DOCK3: variants seen among roughly 807,000 people sequenced by gnomAD.
DOCK3 encodes dedicator of cytokinesis 3, also known as dedicator of cytokinesis protein 3.
Under a neutral mutation model 265.6 loss-of-function variants are expected in DOCK3, and 60 were observed. The ratio of observed to expected loss-of-function variants is 0.23; its 90% CI spans 0.18 to 0.28. The LOEUF is 0.28. Ranked by LOEUF, DOCK3 falls within the 10% of genes least tolerant of loss-of-function variation. DOCK3 has a pLI of 1.00. For synonymous variants in DOCK3, 881 were observed against 938.0 expected, an observed-to-expected ratio of 0.94 and a Z score of 1.11; for missense variants, 1,981 against 2,594.3, an observed-to-expected ratio of 0.76 and a Z score of 5.14.
intron 51 of DOCK3, chr3:51,379,633 C>T: frequency 1.0e-6 from 1 of 985,346 alleles, no homozygotes; most frequent in Non-Finnish European, 1.2e-6. Flanking sequence ...TCAAGGGCCA[C>T]AGCAACAGCC....
At chr3:51,168,296 CA>C (rs1232864203) in intron 12 of DOCK3, among the ~76,000 whole-genome samples, 2 of 152,258 alleles carry the variant, frequency 1.3e-5, no homozygotes, top group East Asian at 3.9e-4. Context: ...CAATCCTAAG[CA>C]AAAAGAGCAA....
At chr3:50,853,408 T>A (rs2085582) in intron 3 of DOCK3, among the ~76,000 whole-genome samples, 15,075 of 152,114 alleles carry the variant, frequency 0.099, 923 homozygotes, top group Non-Finnish European at 0.13. Context: ...AAACCCATCA[T>A]CCAAATAATG....
intron 1 of DOCK3, among the ~76,000 whole-genome samples, chr3:50,730,853 G>A (rs182899252): frequency 6.8e-5 from 10 of 146,910 alleles, no homozygotes; most frequent in African/African-American, 1.0e-4. Flanking sequence ...CCTTTTGGCC[G>A]GGCGTGGTGG....
chr3:50,836,591 AT>A, intron 2 of DOCK3, among the ~76,000 whole-genome samples: 1 of 151,830 alleles, frequency 6.6e-6, no homozygotes, highest in East Asian at 1.9e-4. Context: ...CCAGGAAACC[AT>A]TTTTCCCTCC....
At chr3:51,039,853 G>A (rs907730713) in intron 5 of DOCK3, among the ~76,000 whole-genome samples, 3 of 144,532 alleles carry the variant, frequency 2.1e-5, no homozygotes, top group Admixed American at 6.9e-5. Context: ...TCACCCTCGG[G>A]TTTCTGCATT....
At chr3:51,330,319 G>C in intron 33 of DOCK3, 96 bp downstream of exon 33, 1 of 1,263,276 alleles carries the variant, frequency 7.9e-7, no homozygotes, top group Middle Eastern at 2.6e-4. Context: ...AGGCTTTAGA[G>C]GTTGGTCATC....
chr3:51,214,253 C>T lies in DOCK3; in HGVS notation c.1252+6C>T, dbSNP rs2089661253. On this transcript the variant is annotated splice_donor_region_variant and intron_variant, in intron 14 of 52. Transcript: ENST00000266037. ...TCCTGATGTCATTATGCCAGGTATG[C>T]AGAACTGCTTGGGGCTGGGAAGGAA... is the stretch of plus-strand genomic sequence containing the variant. The T allele has an allele frequency of 6.2e-7, 1 of 1,613,200 alleles. No individual in the cohort carries two copies. Among genetic ancestry groups the T allele is most frequent in the South Asian group, 1.1e-5 (1 of 90,962 alleles).
chr3:51,070,255 G>A (rs2081801526), intron 6 of DOCK3, among the ~76,000 whole-genome samples: 1 of 152,194 alleles, frequency 6.6e-6, no homozygotes, highest in Non-Finnish European at 1.5e-5. Flanking sequence ...TTTGATGTTT[G>A]ACACAGAATC....
At chr3:50,879,166 G>T (rs1205454002) in intron 3 of DOCK3, among the ~76,000 whole-genome samples, 1 of 152,216 alleles carries the variant, frequency 6.6e-6, no homozygotes, top group Non-Finnish European at 1.5e-5. Flanking sequence ...ACTAGCCACT[G>T]CAAAAACATG....
At chr3:51,130,681 G>A (rs1028652005) in intron 9 of DOCK3, among the ~76,000 whole-genome samples, 1 of 152,112 alleles carries the variant, frequency 6.6e-6, no homozygotes, top group South Asian at 2.1e-4. Flanking sequence ...ATCCCTCCAA[G>A]GATGCAATAT....
At chr3:50,782,601 G>A (rs1333792857) in intron 2 of DOCK3, among the ~76,000 whole-genome samples, 1 of 151,030 alleles carries the variant, frequency 6.6e-6, no homozygotes, top group African/African-American at 2.4e-5. Context: ...GTGTGTGTGT[G>A]TGTGTAGCTT....
At chr3:51,270,550 C>T (rs906296719) in intron 23 of DOCK3, among the ~76,000 whole-genome samples, 1 of 152,228 alleles carries the variant, frequency 6.6e-6, no homozygotes, top group Non-Finnish European at 1.5e-5. Context: ...CTTTATACCC[C>T]ATTCTCTTGC....
chr3:51,368,452 C>T (rs1560516921), intron 49 of DOCK3, among the ~76,000 whole-genome samples: 1 of 152,212 alleles, frequency 6.6e-6, no homozygotes, highest in South Asian at 2.1e-4. Context: ...GAGCCTCTCT[C>T]ACTGCTAGCA....
At chr3:51,186,370 G>A (rs1485612862) in intron 12 of DOCK3, among the ~76,000 whole-genome samples, 1 of 152,196 alleles carries the variant, frequency 6.6e-6, no homozygotes, top group Non-Finnish European at 1.5e-5. Flanking sequence ...AAGCATTCAA[G>A]ATGTGACTTG....
rs1232898990 is a variant in DOCK3 at position 51,361,238 on chromosome 3, G to A, written c.5006+606G>A. ...TTGGAGGAGGAGACTAGTGAGAGGA[G>A]CCCCTCACTTAGGCTTGTTTTCCAG... On this transcript the variant is annotated intron_variant, in intron 47 of 52. Transcript: ENST00000266037. The surrounding 1 kb of genome is among the most constrained non-coding windows in gnomAD (Gnocchi z 4.2). Among the ~76,000 whole-genome samples the A allele has an allele frequency of 6.6e-6, 1 of 152,248 alleles. No homozygotes were observed. The highest frequency in any genetic ancestry group is 2.4e-5 in the African/African-American group (1 of 41,470).
At chr3:51,188,462 C>T (rs929128895) in intron 12 of DOCK3, among the ~76,000 whole-genome samples, 2 of 152,096 alleles carry the variant, frequency 1.3e-5, no homozygotes, top group African/African-American at 4.8e-5. Context: ...TTTAGGGTGT[C>T]CACCACGCAA....
intron 49 of DOCK3, among the ~76,000 whole-genome samples, chr3:51,366,662 G>A (rs543741082): frequency 2.0e-5 from 3 of 152,320 alleles, no homozygotes; most frequent in African/African-American, 7.2e-5. Flanking sequence ...TGCTTTAAAT[G>A]TGTCCCAGAG....
intron 2 of DOCK3, among the ~76,000 whole-genome samples, chr3:50,829,420 A>G (rs1216896864): frequency 1.3e-5 from 2 of 152,124 alleles, no homozygotes; most frequent in South Asian, 2.1e-4. Context: ...GAACTGGGAA[A>G]TCTCAGGAGT....
intron 19 of DOCK3, among the ~76,000 whole-genome samples, chr3:51,229,919 A>G (rs1480364): frequency 0.82 from 124,992 of 152,176 alleles, 51,931 homozygotes; most frequent in Middle Eastern, 0.9. Flanking sequence ...GGTATTCCTC[A>G]TTGCACGTTC....
Sources: allele counts gnomAD v4.1 joint callset (sites outside exome capture counted in the v4.1 genomes callset), GRCh38; gene constraint gnomAD v4.1.1; non-coding constraint Gnocchi (gnomAD v3.1); transcripts MANE v1.5; gene names NCBI Gene and HGNC (gene_info 2026-07-23, HGNC 2026-07-21).